The following FRZB variants were observed in gnomAD, a reference collection of about 807,000 sequenced individuals.
The protein encoded by FRZB is secreted frizzled-related protein 3.
In FRZB, 34 loss-of-function variants were observed where a neutral mutation model predicts 32.5. That is an observed-to-expected ratio of 1.05 (90% CI 0.80 to 1.39). The LOEUF is 1.39. Ranked by LOEUF, FRZB falls within the 40% of genes most tolerant of loss-of-function variation. The pLI is 0.00. For missense variants in FRZB, 423 were observed against 424.8 expected (o/e 1.00, Z 0.04); for synonymous variants, 170 against 159.2 (o/e 1.07, Z -0.51).
At chr2:182,847,524 C>A (rs1695659077) in intron 2 of FRZB, among the ~76,000 whole-genome samples, 1 of 151,974 alleles carries the variant, frequency 6.6e-6, no homozygotes, top group South Asian at 2.1e-4. Flanking sequence ...ATGACTGGAC[C>A]CTGAGCAAAA....
intron 1 of FRZB, among the ~76,000 whole-genome samples, chr2:182,864,442 T>C (rs1695868066): frequency 6.6e-6 from 1 of 152,188 alleles, no homozygotes; most frequent in Admixed American, 6.5e-5. Context: ...GACTCTGCAG[T>C]CTGTGACTTT....
At chr2:182,842,664 T>C in intron 2 of FRZB, 121 bp from the exon 3 acceptor site, 1 of 666,556 alleles carries the variant, frequency 1.5e-6, no homozygotes, top group Non-Finnish European at 2.6e-6. Context: ...TCTTGTCAAT[T>C]CTGTGTGTCT....
At chr2:182,859,514 T>G (rs1695807080) in intron 1 of FRZB, among the ~76,000 whole-genome samples, 1 of 152,178 alleles carries the variant, frequency 6.6e-6, no homozygotes, top group Admixed American at 6.5e-5. Flanking sequence ...AACACCGTGC[T>G]GAGAGATGCT....
At position 182,866,499 on chromosome 2, in the gene FRZB, G is replaced by A. The variant is rs1172116324; in HGVS notation, c.54C>T (p.Ala18=). The A allele has an allele frequency of 6.6e-7, 1 of 1,523,274 alleles. No individual in the cohort carries two copies. The highest frequency in any genetic ancestry group is 8.8e-7 in the Non-Finnish European group (1 of 1,135,722). 94.4% of individuals were successfully genotyped at this position (1,523,274 alleles called of 1,614,324 possible). A position where few individuals can be genotyped will look rare whatever the true frequency, so the allele number is the denominator to read the frequency against. ...CCCGGAGCAGGCAGAGAGCAGCCAG[G>A]GCAAGCAGCCCGGCCCGCAGCAGCA... ...GMLLLRAGLL[A]LAALCLLRVP... The change falls in exon 1 of 6, where the codon GCC becomes GCT. Residue 18 remains alanine, a synonymous_variant. Transcript: ENST00000295113. This position sits in a 1 kb window ranked among gnomAD's most constrained non-coding sequence, Gnocchi z 4.5.
intron 2 of FRZB, among the ~76,000 whole-genome samples, chr2:182,844,358 C>G (rs1378632022): frequency 6.6e-6 from 1 of 152,074 alleles, no homozygotes; most frequent in East Asian, 1.9e-4. Flanking sequence ...CAAAAAGTTA[C>G]CTAGCTTTTG....
chr2:182,841,440 A>T (rs1695585320), intron 3 of FRZB, among the ~76,000 whole-genome samples: 2 of 152,160 alleles, frequency 1.3e-5, no homozygotes, highest in South Asian at 2.1e-4. Context: ...AAAATAGTGT[A>T]CATAAATGTA....
chr2:182,837,478 T>C (rs1328863770), intron 5 of FRZB, among the ~76,000 whole-genome samples: 2 of 151,790 alleles, frequency 1.3e-5, no homozygotes, highest in African/African-American at 4.8e-5. Flanking sequence ...TTCTAGCCTG[T>C]TTTGCAGCTA....
chr2:182,842,360 G>GT, intron 3 of FRZB, 118 bp downstream of exon 3: 2 of 750,164 alleles, frequency 2.7e-6, no homozygotes, highest in Admixed American at 4.6e-5. Context: ...TAGTCCTTCT[G>GT]TTTTTAAGCC....
intron 1 of FRZB, among the ~76,000 whole-genome samples, chr2:182,865,685 A>C (rs1681412716): frequency 6.6e-6 from 1 of 152,238 alleles, no homozygotes; most frequent in South Asian, 2.1e-4. Flanking sequence ...GAATCAGCAA[A>C]GAAAACCCAA....
At chr2:182,842,596 T>C (rs1396670468) in intron 2 of FRZB, 53 bp from the exon 3 acceptor site, 2 of 1,453,064 alleles carry the variant, frequency 1.4e-6, no homozygotes, top group Admixed American at 1.7e-5. Context: ...CTTTCTTTTG[T>C]TTTGCTCAGA....
At chr2:182,845,478 A>G (rs1391776743) in intron 2 of FRZB, among the ~76,000 whole-genome samples, 1 of 152,218 alleles carries the variant, frequency 6.6e-6, no homozygotes, top group Admixed American at 6.5e-5. Flanking sequence ...CACAAAAACC[A>G]TTAGATATTG....
intron 3 of FRZB, among the ~76,000 whole-genome samples, chr2:182,841,322 C>T (rs1158179556): frequency 1.3e-5 from 2 of 152,114 alleles, no homozygotes; most frequent in African/African-American, 4.8e-5. Context: ...TAATACACTG[C>T]ATTTTGAAAG....
chr2:182,839,287 G>C (rs565168381), intron 3 of FRZB, among the ~76,000 whole-genome samples: 8 of 151,778 alleles, frequency 5.3e-5, no homozygotes, highest in African/African-American at 1.7e-4. Flanking sequence ...TCTTTGTTCG[G>C]ATATTAGGTC....
At chr2:182,855,868 A>G (rs936882212) in intron 2 of FRZB, among the ~76,000 whole-genome samples, 5 of 152,092 alleles carry the variant, frequency 3.3e-5, no homozygotes, top group Admixed American at 2.6e-4. Flanking sequence ...AAAACTAAAG[A>G]CACAGGAAAA....
In FRZB at chr2:182,866,268, G is replaced by A; in HGVS notation, c.285C>T (p.Ile95=). The A allele has an allele frequency of 6.2e-7, 1 of 1,614,246 alleles. No individual in the cohort carries two copies. The highest frequency in any genetic ancestry group is 8.5e-7 in the Non-Finnish European group (1 of 1,180,040). Reference sequence around the variant, plus strand: ...GCTCGTGCTGGAAGTCAATGGTGCAGATGGGCGCGTACATGGCACAGAGGA... The same window carrying A: ...GCTCGTGCTGGAAGTCAATGGTGCAAATGGGCGCGTACATGGCACAGAGGA... ...LFFLCAMYAP[I]CTIDFQHEPI... is the part of the protein sequence containing the mutation. Residue 95 remains isoleucine (I), a synonymous_variant, in exon 1 of 6, where the codon ATC becomes ATT. Coordinates refer to ENST00000295113, the MANE Select transcript of FRZB (RefSeq NM_001463.4). This position sits in a 1 kb window ranked among gnomAD's most constrained non-coding sequence, Gnocchi z 4.5.
intron 3 of FRZB, among the ~76,000 whole-genome samples, chr2:182,839,683 C>T (rs1383647925): frequency 1.3e-5 from 2 of 151,946 alleles, no homozygotes; most frequent in African/African-American, 2.4e-5. Flanking sequence ...AGTAAATGAG[C>T]TTTTAAAAAG....
At chr2:182,851,879 C>A (rs186034391) in intron 2 of FRZB, among the ~76,000 whole-genome samples, 3 of 152,064 alleles carry the variant, frequency 2.0e-5, no homozygotes, top group Admixed American at 2.0e-4. Flanking sequence ...AGAAGCCAAG[C>A]ACAGAGCCTC....
intron 1 of FRZB, among the ~76,000 whole-genome samples, chr2:182,862,860 C>T (rs1245866210): frequency 1.3e-5 from 2 of 152,000 alleles, no homozygotes; most frequent in African/African-American, 2.4e-5. Context: ...CCTCCACCTC[C>T]GGAGTTCAAG....
rs999427036 is a variant in FRZB, at chr2:182,866,587, A to C, written c.-35T>G. On this transcript the variant is annotated 5_prime_UTR_variant, in exon 1 of 6. Transcript: ENST00000295113. This position sits in a 1 kb window ranked among gnomAD's most constrained non-coding sequence, Gnocchi z 4.5. The stretch of plus-strand genomic sequence containing the variant: ...AGGATGGGGCAGGGTGCAGCCGCGC[A>C]GTGGACGCCAAAAGGCCCGCTCCGC... 2.2e-6 allele frequency: 3 copies of C among 1,383,292 alleles called. No individual in the cohort carries two copies. The highest frequency in any genetic ancestry group is 2.8e-6 in the Non-Finnish European group (3 of 1,057,706). The allele number at this position is 1,383,292 out of a possible 1,614,324, so 85.7% of individuals were successfully genotyped here.
Sources: allele counts gnomAD v4.1 joint callset (sites outside exome capture counted in the v4.1 genomes callset), GRCh38; gene constraint gnomAD v4.1.1; non-coding constraint Gnocchi (gnomAD v3.1); transcripts MANE v1.5; gene names NCBI Gene and HGNC (gene_info 2026-07-23, HGNC 2026-07-21).